Variants in NFASC observed in about 807,000 individuals in gnomAD.
The protein encoded by NFASC is neurofascin homolog.
A neutral mutation model predicts 147.5 loss-of-function variants in NFASC; 43 were observed. That is an observed-to-expected ratio of 0.29 (90% CI 0.23 to 0.38). The LOEUF is 0.38. Among genes scored for constraint, NFASC ranks in the 10% least tolerant of loss-of-function variants. The pLI is 1.00. For missense variants in NFASC, 1,320 were observed against 1,689.0 expected (o/e 0.78, Z 3.83); for synonymous variants, 622 against 665.5 (o/e 0.93, Z 1.01).
chr1:204,900,751 G>A (rs750981318), intron 1 of NFASC, among the ~76,000 whole-genome samples: 1 of 152,198 alleles, frequency 6.6e-6, no homozygotes, highest in African/African-American at 2.4e-5. Flanking sequence ...ACACTGGAAC[G>A]AAGACCTGAG....
In NFASC at chr1:205,016,662, G is replaced by T. The variant is rs760911608; in HGVS notation, c.*123G>T. The stretch of plus-strand genomic sequence containing the variant: ...TCAGTAACAAGGGTACGATATGGGG[G>T]TCTGCCAAGCTGTGAGGACCAGTAG... On this transcript the variant is annotated 3_prime_UTR_variant, in exon 30 of 30. Transcript: ENST00000339876. This position sits in a 1 kb window ranked among gnomAD's most constrained non-coding sequence, Gnocchi z 5.1. The T allele has an allele frequency of 1.1e-5, 8 of 754,182 alleles. No individual in the cohort carries two copies. Among genetic ancestry groups the T allele is most frequent in the Non-Finnish European group, 1.9e-5 (8 of 430,186 alleles). 46.7% of individuals were successfully genotyped at this position (754,182 alleles called of 1,614,324 possible). A position where few individuals can be genotyped will look rare whatever the true frequency, so the allele number is the denominator to read the frequency against.
chr1:204,954,685 A>C lies in NFASC; in HGVS notation c.413-144A>C. ...CAAGGGCGGCCCCTTGAGTAGGCTC[A>C]CGTGCCCCGTCCCTCTCTCTTGCTC... On this transcript the variant is annotated intron_variant, in intron 6 of 29. Coordinates refer to ENST00000339876, the MANE Select transcript of NFASC (RefSeq NM_001005388.3). This position sits in a 1 kb window ranked among gnomAD's most constrained non-coding sequence, Gnocchi z 5.7. 3 of 996,626 alleles carry C rather than the reference A, an allele frequency of 3.0e-6. No individual in the cohort carries two copies. Among genetic ancestry groups the C allele is most frequent in the Non-Finnish European group, 4.5e-6 (3 of 667,706 alleles). 61.7% of individuals were successfully genotyped at this position (996,626 alleles called of 1,614,324 possible).
intron 1 of NFASC, among the ~76,000 whole-genome samples, chr1:204,849,527 A>G (rs1315476226): frequency 6.6e-6 from 1 of 152,194 alleles, no homozygotes. Context: ...TGACAGGTTC[A>G]CAGGTTCTGC....
chr1:204,957,526 A>G, intron 7 of NFASC, 130 bp from the exon 8 acceptor site: 3 of 753,518 alleles, frequency 4.0e-6, no homozygotes, highest in Non-Finnish European at 6.7e-6. Context: ...AGTTGAGAGG[A>G]TTAGACCAAG....
At chr1:204,997,101 G>A (rs575401922) in intron 24 of NFASC, 69 bp from the exon 25 acceptor site, 96 of 1,555,508 alleles carry the variant, frequency 6.2e-5, no homozygotes, top group Non-Finnish European at 7.1e-5. Context: ...CCTTGCACGC[G>A]GGGGCCGTGT....
At chr1:204,830,005 G>A (rs1671730576) in intron 1 of NFASC, among the ~76,000 whole-genome samples, 1 of 89,850 alleles carries the variant, frequency 1.1e-5, no homozygotes, top group East Asian at 2.7e-4. Flanking sequence ...TTTTGGCATG[G>A]GGTGTGTGTG....
In NFASC at chr1:204,976,666, T is replaced by A; in HGVS notation, c.1707-5T>A. 2 of 1,609,370 alleles carry A rather than the reference T, an allele frequency of 1.2e-6. No homozygotes were observed. The highest frequency in any genetic ancestry group is 1.7e-6 in the Non-Finnish European group (2 of 1,176,376). The stretch of plus-strand genomic sequence containing the variant: ...CCTCCCAACCCTTCCTCGGTACCTT[T>A]GCAGGATGAAGAAGGAAGACGACTC... On this transcript the variant is annotated splice_region_variant and splice_polypyrimidine_tract_variant and intron_variant, in intron 15 of 29. Transcript: ENST00000339876.
At chr1:204,877,891 C>T (rs1029904716) in intron 1 of NFASC, among the ~76,000 whole-genome samples, 1 of 152,172 alleles carries the variant, frequency 6.6e-6, no homozygotes, top group African/African-American at 2.4e-5. Context: ...ATTTCTGCTC[C>T]TCATCTGCTG....
intron 16 of NFASC, chr1:204,977,154 T>G: frequency 9.0e-7 from 1 of 1,106,914 alleles, no homozygotes; most frequent in Non-Finnish European, 1.1e-6. Context: ...CAAGACTGAG[T>G]TTGTGTTTGT....
At chr1:205,004,544 G>A (rs2096066458) in intron 27 of NFASC, among the ~76,000 whole-genome samples, 1 of 152,222 alleles carries the variant, frequency 6.6e-6, no homozygotes, top group Non-Finnish European at 1.5e-5. Flanking sequence ...TTCTCTCACA[G>A]GCTGGCTGGA....
intron 1 of NFASC, among the ~76,000 whole-genome samples, chr1:204,869,548 TAA>T (rs1478822287): frequency 6.6e-6 from 1 of 152,218 alleles, no homozygotes; most frequent in Non-Finnish European, 1.5e-5. Flanking sequence ...ATGAGAGTAT[TAA>T]GAGTACAGGC....
At chr1:204,892,735 A>G (rs887073129) in intron 1 of NFASC, among the ~76,000 whole-genome samples, 5 of 152,252 alleles carry the variant, frequency 3.3e-5, no homozygotes, top group African/African-American at 1.2e-4. Flanking sequence ...AATAAAATAC[A>G]TTATTAAAAT....
At chr1:204,984,945 A>G (rs1272987297) in intron 21 of NFASC, among the ~76,000 whole-genome samples, 1 of 152,198 alleles carries the variant, frequency 6.6e-6, no homozygotes, top group African/African-American at 2.4e-5. Flanking sequence ...TGGCTGATGG[A>G]CAGTTGGAGG....
intron 28 of NFASC, 34 bp from the exon 29 acceptor site, chr1:205,012,763 C>T (rs374968009): frequency 3.8e-5 from 58 of 1,517,270 alleles, no homozygotes; most frequent in African/African-American, 1.5e-4. Flanking sequence ...ACTTAATCGT[C>T]GTGTCTGTGT....
intron 24 of NFASC, chr1:204,993,884 G>A (rs975916806): frequency 1.1e-5 from 5 of 451,254 alleles, no homozygotes; most frequent in Middle Eastern, 3.3e-4. Context: ...AATCTCCTTA[G>A]ACCTGAGCAG....
intron 1 of NFASC, among the ~76,000 whole-genome samples, chr1:204,840,414 A>G (rs911081925): frequency 6.6e-6 from 1 of 152,178 alleles, no homozygotes; most frequent in African/African-American, 2.4e-5. Context: ...GAACCACTGG[A>G]CAGTTTTTCT....
At chr1:204,896,163 T>C (rs2083348450) in intron 1 of NFASC, among the ~76,000 whole-genome samples, 3 of 152,158 alleles carry the variant, frequency 2.0e-5, no homozygotes, top group Admixed American at 2.0e-4. Context: ...TGCAGAGAAC[T>C]GAGGTGCATC....
intron 1 of NFASC, among the ~76,000 whole-genome samples, chr1:204,915,847 T>A (rs1558086831): frequency 6.6e-6 from 1 of 152,180 alleles, no homozygotes; most frequent in Non-Finnish European, 1.5e-5. Flanking sequence ...CAGCTTATAC[T>A]TTGTGGCAGA....
At chr1:204,871,428 A>G (rs1456383065) in intron 1 of NFASC, among the ~76,000 whole-genome samples, 2 of 152,156 alleles carry the variant, frequency 1.3e-5, no homozygotes, top group East Asian at 3.9e-4. Flanking sequence ...GGGTGTCTGG[A>G]AAAGTGAGAT....
Sources: gnomAD v4.1 joint callset for allele counts (sites outside exome capture counted in the v4.1 genomes callset) on GRCh38, gnomAD v4.1.1 for gene constraint, Gnocchi (gnomAD v3.1) non-coding constraint, MANE v1.5 for transcripts, NCBI Gene and HGNC (gene_info 2026-07-23, HGNC 2026-07-21) for gene names.